The following CLK2 variants were observed in gnomAD, a reference collection of about 807,000 sequenced individuals.
The protein encoded by CLK2 is CDC like kinase 2.
Under a neutral mutation model 73.5 loss-of-function variants are expected in CLK2, and 12 were observed. The ratio of observed to expected loss-of-function variants is 0.16; its 90% confidence interval spans 0.10 to 0.26. CLK2 has a LOEUF of 0.26. Ranked by LOEUF, CLK2 falls within the 10% of genes least tolerant of loss-of-function variation. CLK2 has a pLI of 1.00. For synonymous variants in CLK2, 232 were observed against 237.9 expected, an observed-to-expected ratio of 0.98 and a Z score of 0.23; for missense variants, 509 against 688.4, an observed-to-expected ratio of 0.74 and a Z score of 2.92.
intron 8 of CLK2, among the ~76,000 whole-genome samples, chr1:155,265,001 T>A (rs1673159078): frequency 6.6e-6 from 1 of 152,230 alleles, no homozygotes. Flanking sequence ...TGCACATCTG[T>A]AAGCATCTGA....
chr1:155,263,557 T>C (rs760232768), intron 12 of CLK2, 157 bp from the exon 13 acceptor site: 1 of 985,418 alleles, frequency 1.0e-6, no homozygotes, highest in Non-Finnish European at 1.2e-6. Context: ...GTTTCTGATA[T>C]TATAGCTCAA....
chr1:155,264,818 G>C, intron 8 of CLK2, 44 bp from the exon 9 acceptor site: 1 of 1,607,292 alleles, frequency 6.2e-7, no homozygotes, highest in Non-Finnish European at 8.5e-7. Flanking sequence ...CACCCAGACT[G>C]AGATTCCACC....
At chr1:155,270,239 C>T (rs1423030965) in intron 2 of CLK2, among the ~76,000 whole-genome samples, 2 of 151,610 alleles carry the variant, frequency 1.3e-5, no homozygotes, top group Non-Finnish European at 1.5e-5. Context: ...GGCATGATGG[C>T]GCATGCCTGT....
At chr1:155,265,215 T>C (rs1342232737) in intron 8 of CLK2, among the ~76,000 whole-genome samples, 2 of 152,136 alleles carry the variant, frequency 1.3e-5, no homozygotes, top group African/African-American at 2.4e-5. Context: ...AGATCTCCAT[T>C]ATCTCCAGTT....
chr1:155,265,281 T>C (rs371662792), intron 8 of CLK2, among the ~76,000 whole-genome samples: 1 of 151,850 alleles, frequency 6.6e-6, no homozygotes, highest in African/African-American at 2.4e-5. Context: ...AAAAAAGAAG[T>C]CCGGGCCAGG....
chr1:155,272,471 A>G (rs1443439045), intron 1 of CLK2, among the ~76,000 whole-genome samples: 1 of 152,182 alleles, frequency 6.6e-6, no homozygotes, highest in Non-Finnish European at 1.5e-5. Context: ...GAGAATAGGA[A>G]GGCACAATAA....
In CLK2 at chr1:155,269,653, T is replaced by C; in HGVS notation, c.234A>G (p.Arg78=). The change falls in exon 3 of 13, where the codon AGA becomes AGG. Residue 78 remains arginine, a synonymous_variant. Coordinates refer to ENST00000368361, the MANE Select transcript of CLK2 (RefSeq NM_001294338.2). ...VYDRRYCGSY[R]RNDYSRDRGD... ...CCCGATCCCGGCTATAATCGTTGCG[T>C]CTGTAGCTGCCACAGTATCGCCGGT... 6.2e-7 allele frequency: 1 copy of C among 1,614,190 alleles called. No individual in the cohort carries two copies. Among genetic ancestry groups the C allele is most frequent in the South Asian group, 1.1e-5 (1 of 91,086 alleles).
intron 6 of CLK2, 29 bp downstream of exon 6, chr1:155,267,981 C>G (rs376034236): frequency 1.0e-5 from 16 of 1,531,226 alleles, no homozygotes; most frequent in Non-Finnish European, 1.4e-5. Flanking sequence ...GGGCTCTCAG[C>G]CTCCCTACAT....
In CLK2 at chr1:155,263,254, G is replaced by C; in HGVS notation, c.1464C>G (p.Asn488Lys). The C allele has an allele frequency of 1.9e-6, 3 of 1,613,980 alleles. No individual in the cohort carries two copies. Among genetic ancestry groups the C allele is most frequent in the Non-Finnish European group, 1.7e-6 (2 of 1,180,006 alleles). The change falls in exon 13 of 13, where the codon AAC becomes AAG. Residue 488 changes from asparagine to lysine, a missense_variant. This residue lies in a region of CLK2 where 134 missense variants were observed against 146.0 expected (regional missense o/e 0.92). Transcript: ENST00000368361. ...FFARLRAEPP[N>K]KLWDSSRDIS... ...TATCCCGACTGGAGTCCCACAACTT[G>C]TTGGGCGGCTCAGCCCGAAGGCGGG... is the stretch of plus-strand genomic sequence containing the variant.
chr1:155,266,259 T>C (rs898966509), intron 7 of CLK2, among the ~76,000 whole-genome samples: 1 of 152,258 alleles, frequency 6.6e-6, no homozygotes, highest in Non-Finnish European at 1.5e-5. Context: ...GAAACTGTAT[T>C]ATTTTGATGA....
chr1:155,268,694 G>A lies in CLK2; in HGVS notation c.487+14C>T. ...CCATTACAGGCTATAGGATTGTTAC[G>A]ATTTGGCTTGTACATCGCTCTTGTA... On this transcript the variant is annotated intron_variant, in intron 4 of 12. Coordinates refer to ENST00000368361, the MANE Select transcript of CLK2 (RefSeq NM_001294338.2). This position sits in a 1 kb window ranked among gnomAD's most constrained non-coding sequence, Gnocchi z 5.6. The A allele has an allele frequency of 6.2e-7, 1 of 1,612,066 alleles. No homozygotes were observed. The highest frequency in any genetic ancestry group is 8.5e-7 in the Non-Finnish European group (1 of 1,178,218).
intron 2 of CLK2, among the ~76,000 whole-genome samples, chr1:155,270,235 A>G (rs1372212753): frequency 6.6e-6 from 1 of 151,562 alleles, no homozygotes; most frequent in Non-Finnish European, 1.5e-5. Flanking sequence ...GCCAGGCATG[A>G]TGGCGCATGC....
chr1:155,263,883 G>C, intron 12 of CLK2, 67 bp downstream of exon 12: 1 of 1,501,084 alleles, frequency 6.7e-7, no homozygotes, highest in Non-Finnish European at 9.3e-7. Flanking sequence ...CATTCCAGGG[G>C]GCAAACCACC....
Position 155,268,179 on chromosome 1 carries a change from G to A in CLK2, c.555-53C>T, listed in dbSNP as rs948649592. 6.4e-7 allele frequency: 1 copy of A among 1,572,168 alleles called. No individual in the cohort carries two copies. The highest frequency in any genetic ancestry group is 2.2e-5 in the East Asian group (1 of 44,676). ...TGGGTTCTCAAGAATGTCTCAAAAT[G>A]AACAGGGCTGTAGGGGGACTAAGAA... On this transcript the variant is annotated intron_variant, in intron 5 of 12. Coordinates refer to ENST00000368361, the MANE Select transcript of CLK2 (RefSeq NM_001294338.2). The surrounding 1 kb of genome is among the most constrained non-coding windows in gnomAD (Gnocchi z 5.6).
chr1:155,267,749 A>G (rs1374163863), intron 6 of CLK2, among the ~76,000 whole-genome samples: 2 of 152,224 alleles, frequency 1.3e-5, no homozygotes, highest in Non-Finnish European at 2.9e-5. Flanking sequence ...TGTCCAGGGT[A>G]TATCTCTACA....
chr1:155,269,842 TG>T, intron 2 of CLK2, 126 bp from the exon 3 acceptor site: 1 of 814,854 alleles, frequency 1.2e-6, no homozygotes, highest in Non-Finnish European at 2.0e-6. Flanking sequence ...AGACACTTGT[TG>T]AGTCACTGAG....
intron 1 of CLK2, among the ~76,000 whole-genome samples, chr1:155,272,387 A>T (rs1190104951): frequency 2.6e-5 from 4 of 152,192 alleles, no homozygotes; most frequent in Non-Finnish European, 5.9e-5. Flanking sequence ...ATGGAATTGG[A>T]ATGGGATGGT....
intron 1 of CLK2, among the ~76,000 whole-genome samples, chr1:155,272,297 T>C (rs1410424010): frequency 6.6e-6 from 1 of 152,200 alleles, no homozygotes; most frequent in African/African-American, 2.4e-5. Flanking sequence ...ATTACAGATG[T>C]GAGCCACCGC....
At position 155,268,788 on chromosome 1, in the gene CLK2, C is replaced by T; in HGVS notation, c.407G>A (p.Ser136Asn). ...RTFSRSSSQH[S>N]SRRAKSVEDD... ...CTCTACACTCTTGGCTCTCCGGCTG[C>T]TGTGCTGCTGTCGGGGGGCAGGGGG... is the stretch of plus-strand genomic sequence containing the variant. Residue 136 changes from serine to asparagine, a missense_variant, in exon 4 of 13, where the codon AGC becomes AAC. By Grantham distance (46) the Ser-to-Asn change is conservative. Transcript: ENST00000368361. This position sits in a 1 kb window ranked among gnomAD's most constrained non-coding sequence, Gnocchi z 5.6. 6.6e-7 allele frequency: 1 copy of T among 1,516,042 alleles called. No individual in the cohort carries two copies. The highest frequency in any genetic ancestry group is 8.9e-7 in the Non-Finnish European group (1 of 1,121,734). The allele number at this position is 1,516,042 out of a possible 1,614,324, so 93.9% of individuals were successfully genotyped here. A position where few individuals can be genotyped will look rare whatever the true frequency, so the allele number is the denominator to read the frequency against.
Sources: allele counts gnomAD v4.1 joint callset (sites outside exome capture counted in the v4.1 genomes callset), GRCh38; gene constraint gnomAD v4.1.1; regional missense constraint gnomAD v4.1.1; non-coding constraint Gnocchi (gnomAD v3.1); transcripts MANE v1.5; gene names NCBI Gene and HGNC (gene_info 2026-07-23, HGNC 2026-07-21).